The following MIER2 variants were observed in gnomAD, a reference collection of about 807,000 sequenced individuals.
MIER2 encodes the protein MIER family member 2.
Under a neutral mutation model 67.6 loss-of-function variants are expected in MIER2, and 30 were observed. The observed-to-expected ratio is 0.44, with a 90% CI of 0.33 to 0.60. The LOEUF (loss-of-function observed/expected upper bound fraction) is 0.60. MIER2 is among the 20% of genes least tolerant of loss of function. The probability of loss-of-function intolerance (pLI) is 0.02; values close to 1 mark genes in which losing one functional copy is unlikely to be tolerated. For missense variants in MIER2, 702 were observed against 745.1 expected, an observed-to-expected ratio of 0.94 and a Z score of 0.67; for synonymous variants, 372 against 312.6, an observed-to-expected ratio of 1.19 and a Z score of -2.00.
chr19:329,245 A>G (rs892879155), intron 3 of MIER2, among the ~76,000 whole-genome samples: 1 of 152,144 alleles, frequency 6.6e-6, no homozygotes, highest in Admixed American at 6.5e-5. Context: ...TCCAGGTGGA[A>G]TATCTACACT....
intron 1 of MIER2, chr19:343,817 C>T (rs996103952): frequency 1.0e-6 from 1 of 984,146 alleles, no homozygotes; most frequent in Non-Finnish European, 1.2e-6. Flanking sequence ...TACATTATCT[C>T]TTTCCATCTT....
At chr19:332,638 G>A (rs1442002251) in intron 3 of MIER2, among the ~76,000 whole-genome samples, 1 of 119,470 alleles carries the variant, frequency 8.4e-6, no homozygotes, top group African/African-American at 3.3e-5. Context: ...GTTTCACTAC[G>A]TTGGCCAGGC....
chr19:316,438 G>GT lies in MIER2; in HGVS notation c.656-2796_656-2795insA, dbSNP rs576562066. On this transcript the variant is annotated intron_variant, in intron 7 of 13. Transcript: ENST00000264819. ...CTCCCGAGTAGCTGGGACTACAGGT[G>GT]CCCACCACGCCTGGCTAATTTTTGT... is the stretch of plus-strand genomic sequence containing the variant. Among the ~76,000 whole-genome samples, 467 of 152,052 alleles carry GT rather than the reference G, an allele frequency of 3.1e-3. 3 individuals are homozygous for GT. Among genetic ancestry groups the GT allele is most frequent in the African/African-American group, 0.011 (441 of 41,466 alleles).
chr19:307,823 G>A (rs1970730664), intron 12 of MIER2, among the ~76,000 whole-genome samples: 1 of 152,084 alleles, frequency 6.6e-6, no homozygotes, highest in Non-Finnish European at 1.5e-5. Context: ...CGGGGGCACT[G>A]CAGAGGGTAA....
At chr19:338,155 A>G (rs1600175632) in intron 1 of MIER2, among the ~76,000 whole-genome samples, 2 of 133,498 alleles carry the variant, frequency 1.5e-5, no homozygotes, top group African/African-American at 5.4e-5. Flanking sequence ...CTGGCAATAC[A>G]GCAAGACTCC....
At chr19:313,457 C>T (rs1169896334) in intron 8 of MIER2, 35 bp downstream of exon 8, 2 of 1,600,480 alleles carry the variant, frequency 1.2e-6, no homozygotes, top group South Asian at 1.1e-5. Context: ...CACGGCAGCC[C>T]TCAGCCCCTC....
At chr19:311,712 G>T in intron 10 of MIER2, 133 bp downstream of exon 10, 1 of 767,616 alleles carries the variant, frequency 1.3e-6, no homozygotes, top group South Asian at 1.7e-5. Flanking sequence ...ACAGCAATGG[G>T]CACACGGTGA....
chr19:342,789 T>G (rs1163706599), intron 1 of MIER2, among the ~76,000 whole-genome samples: 3 of 151,910 alleles, frequency 2.0e-5, no homozygotes, highest in African/African-American at 7.3e-5. Context: ...TCAACTTCCA[T>G]GTACAAGCCG....
rs1388098615 is a variant in MIER2, at chr19:308,278, C to CG, written c.1198+298dup. 6.6e-6 allele frequency among the ~76,000 whole-genome samples: 1 copy of CG among 152,176 alleles called. No homozygotes were observed. Among genetic ancestry groups the CG allele is most frequent in the Non-Finnish European group, 1.5e-5 (1 of 68,020 alleles). ...CACCCTGGGGCAGGAAGGCCCTCCCCGGAGACTGAGGCCTGGTAAATACCC... is the reference window on the plus strand; with the variant it reads ...CACCCTGGGGCAGGAAGGCCCTCCCCGGGAGACTGAGGCCTGGTAAATACCC... On this transcript the variant is annotated intron_variant, in intron 12 of 13. Coordinates refer to ENST00000264819, the MANE Select transcript of MIER2 (RefSeq NM_017550.3). The surrounding 1 kb of genome is among the most constrained non-coding windows in gnomAD (Gnocchi z 9.1).
At position 325,792 on chromosome 19, in the gene MIER2, G is replaced by A. The variant is rs967081011; in HGVS notation, c.586-88C>T. 4.3e-5 allele frequency: 62 copies of A among 1,435,330 alleles called. No individual in the cohort carries two copies. In the South Asian group the frequency reaches 4.7e-4, roughly 11 times the overall value. The allele number at this position is 1,435,330 out of a possible 1,614,324, so 88.9% of individuals were successfully genotyped here. A position where few individuals can be genotyped will look rare whatever the true frequency, so the allele number is the denominator to read the frequency against. On this transcript the variant is annotated intron_variant, in intron 6 of 13. Transcript: ENST00000264819. The stretch of plus-strand genomic sequence containing the variant: ...CTGCAGCGTGCTGTGGCAGGCTTAC[G>A]GGGAGGGGCCACTGTCCAGACCCCA...
chr19:331,824 T>A (rs1972040553), intron 3 of MIER2, among the ~76,000 whole-genome samples: 1 of 151,536 alleles, frequency 6.6e-6, no homozygotes, highest in Non-Finnish European at 1.5e-5. Flanking sequence ...CTGCTAAAAA[T>A]ACAAAAATTT....
At chr19:334,830 C>A (rs967870601) in intron 2 of MIER2, among the ~76,000 whole-genome samples, 1 of 152,102 alleles carries the variant, frequency 6.6e-6, no homozygotes, top group Non-Finnish European at 1.5e-5. Context: ...ATTTGGGGAG[C>A]AAGTGGACTA....
intron 2 of MIER2, 94 bp downstream of exon 2, chr19:335,983 TGTGCCG>T (rs1005443878): frequency 2.0e-4 from 238 of 1,164,786 alleles, no homozygotes; most frequent in Non-Finnish European, 2.9e-4. Flanking sequence ...TGGAAGCCAG[TGTGCCG>T]GTCCACAGCT....
intron 7 of MIER2, among the ~76,000 whole-genome samples, chr19:317,730 C>CAAAAAAAAAAAAAAA (rs10710807): frequency 1.2e-5 from 1 of 84,324 alleles, no homozygotes; most frequent in Non-Finnish European, 2.5e-5. Context: ...GACTCTGTCT[C>CAAAAAAAAAAAAAAA]AAAAAAAAAA....
chr19:317,649 G>C (rs543303240), intron 7 of MIER2, among the ~76,000 whole-genome samples: 3 of 150,466 alleles, frequency 2.0e-5, no homozygotes, highest in South Asian at 2.1e-4. Context: ...AGAATCACTT[G>C]AACCCGGGAG....
intron 1 of MIER2, 112 bp from the exon 2 acceptor site, chr19:336,285 G>A: frequency 3.6e-6 from 3 of 837,180 alleles, no homozygotes; most frequent in Admixed American, 2.4e-5. Context: ...CCAGTGACCA[G>A]GGAAGGGGCT....
intron 1 of MIER2, among the ~76,000 whole-genome samples, chr19:337,145 T>C (rs1373526196): frequency 6.6e-6 from 1 of 152,012 alleles, no homozygotes; most frequent in Non-Finnish European, 1.5e-5. Flanking sequence ...CAAGCCACGA[T>C]ATCTCTCATG....
chr19:308,895 C>G lies in MIER2; in HGVS notation c.1015G>C (p.Glu339Gln), dbSNP rs1226124358. The G allele has an allele frequency of 1.2e-6, 2 of 1,609,066 alleles. No individual in the cohort carries two copies. Among genetic ancestry groups the G allele is most frequent in the Non-Finnish European group, 1.7e-6 (2 of 1,176,622 alleles). Residue 339 changes from glutamate (E) to glutamine (Q), a missense_variant, in exon 11 of 14, where the codon GAG (glutamate) becomes CAG (glutamine). Around this residue, in one of 3 missense-constraint regions of MIER2, gnomAD observed 128 missense variants for 189.7 expected, o/e 0.67. Transcript: ENST00000264819. The surrounding 1 kb of genome is among the most constrained non-coding windows in gnomAD (Gnocchi z 9.1). Reference protein sequence around the residue: ...VRTRSVGECVEYYYLWKKSER... With the variant: ...VRTRSVGECVQYYYLWKKSER... Reference sequence around the variant, plus strand: ...GACTTCTTCCACAGGTAGTAGTACTCGACACACTCGCCCACTGACCGTGTG... The same window carrying G: ...GACTTCTTCCACAGGTAGTAGTACTGGACACACTCGCCCACTGACCGTGTG...
chr19:332,194 T>C (rs1972059505), intron 3 of MIER2, among the ~76,000 whole-genome samples: 1 of 152,170 alleles, frequency 6.6e-6, no homozygotes. Context: ...AATTTTCGTA[T>C]TCTTTTTTTT....
Sources: gnomAD v4.1 joint callset for allele counts (sites outside exome capture counted in the v4.1 genomes callset) on GRCh38, gnomAD v4.1.1 for gene constraint, gnomAD v4.1.1 regional missense constraint, Gnocchi (gnomAD v3.1) non-coding constraint, MANE v1.5 for transcripts, NCBI Gene and HGNC (gene_info 2026-07-23, HGNC 2026-07-21) for gene names.